CDH12: variants seen among roughly 807,000 people sequenced by gnomAD.
CDH12 encodes the protein cadherin 12, also known as cadherin-12.
CDH12 carries 41 observed loss-of-function variants against 74.1 expected under a neutral mutation model. The observed-to-expected ratio is 0.55, with a 90% CI of 0.43 to 0.72. The LOEUF (loss-of-function observed/expected upper bound fraction) is 0.72, where lower values mean the gene tolerates loss of function less well. Ranked by LOEUF, CDH12 falls within the 30% of genes least tolerant of loss-of-function variation. CDH12 has a pLI of 0.00. For missense variants in CDH12, 945 were observed against 977.2 expected, an observed-to-expected ratio of 0.97 and a Z score of 0.44; for synonymous variants, 399 against 355.0, an observed-to-expected ratio of 1.12 and a Z score of -1.39.
intron 1 of CDH12, among the ~76,000 whole-genome samples, chr5:22,801,331 G>A (rs1191782937): frequency 6.6e-6 from 1 of 152,004 alleles, no homozygotes; most frequent in East Asian, 1.9e-4. Context: ...AGCCAAAGGT[G>A]TTACTAGCAA....
At chr5:22,436,882 G>A (rs577714423) in intron 2 of CDH12, among the ~76,000 whole-genome samples, 23 of 152,140 alleles carry the variant, frequency 1.5e-4, no homozygotes, top group Admixed American at 7.9e-4. Flanking sequence ...AACAAAGAAC[G>A]TTGTTTCCTG....
rs766005547 is a variant in CDH12 at position 21,751,651 on chromosome 5, T to TGTGTGA, written c.*85_*86insTCACAC. On this transcript the variant is annotated 3_prime_UTR_variant, in exon 15 of 15. Coordinates refer to ENST00000382254, the MANE Select transcript of CDH12 (RefSeq NM_004061.5). ...GTGTGTTTGTGTGTGTGTGTGTGTG[T>TGTGTGA]GAGAGAGATTTCTATTAATATTTGT... 186 of 958,402 alleles carry TGTGTGA rather than the reference T, an allele frequency of 1.9e-4. 2 individuals are homozygous for TGTGTGA. Among genetic ancestry groups the TGTGTGA allele is most frequent in the South Asian group, 1.8e-3 (113 of 61,466 alleles). 59.4% of individuals were successfully genotyped at this position (958,402 alleles called of 1,614,324 possible).
intron 2 of CDH12, among the ~76,000 whole-genome samples, chr5:22,416,476 T>G (rs1423586854): frequency 6.6e-6 from 1 of 152,156 alleles, no homozygotes; most frequent in Non-Finnish European, 1.5e-5. Context: ...GGATGAGTTA[T>G]TGGCGTGCAT....
chr5:22,329,450 G>A lies in CDH12; in HGVS notation c.-333+75807C>T, dbSNP rs529482174. ...ACTAGAATATGGCAGGGTGGGTGGA[G>A]CAAGATGGAAGAATAGAAGCTTACA... is the stretch of plus-strand genomic sequence containing the variant. On this transcript the variant is annotated intron_variant, in intron 3 of 14. Transcript: ENST00000382254. Among the ~76,000 whole-genome samples, 4 of 152,292 alleles carry A rather than the reference G, an allele frequency of 2.6e-5. No homozygotes were observed. In the East Asian group the frequency reaches 7.7e-4, roughly 29 times the overall value.
chr5:21,852,545 T>C (rs1369169698), intron 7 of CDH12, among the ~76,000 whole-genome samples: 1 of 151,378 alleles, frequency 6.6e-6, no homozygotes, highest in Non-Finnish European at 1.5e-5. Flanking sequence ...TAACCCATCC[T>C]TTACGTTTAA....
chr5:22,133,881 T>G (rs1420206259), intron 4 of CDH12, among the ~76,000 whole-genome samples: 1 of 152,088 alleles, frequency 6.6e-6, no homozygotes, highest in African/African-American at 2.4e-5. Flanking sequence ...TTAATTTGAT[T>G]TTTTTCGGTT....
chr5:22,143,048 T>C, intron 4 of CDH12: 1 of 173,970 alleles, frequency 5.7e-6, no homozygotes, highest in Admixed American at 5.8e-5. Flanking sequence ...AGCGTTAAGA[T>C]AGATCAGTAA....
chr5:22,767,627 T>C (rs1442814808), intron 1 of CDH12, among the ~76,000 whole-genome samples: 1 of 151,998 alleles, frequency 6.6e-6, no homozygotes, highest in South Asian at 2.1e-4. Flanking sequence ...TATGGATTTT[T>C]AATGTAGCTA....
At chr5:21,821,439 G>A (rs187633918) in intron 8 of CDH12, among the ~76,000 whole-genome samples, 2 of 151,684 alleles carry the variant, frequency 1.3e-5, no homozygotes, top group African/African-American at 4.8e-5. Context: ...GACACCAATA[G>A]CAAGTTAAAA....
intron 8 of CDH12, among the ~76,000 whole-genome samples, chr5:21,833,890 T>C (rs567116902): frequency 8.5e-5 from 13 of 152,132 alleles, no homozygotes; most frequent in African/African-American, 3.1e-4. Context: ...GAATAGGGTC[T>C]ATGTTCTCAT....
intron 1 of CDH12, among the ~76,000 whole-genome samples, chr5:22,633,757 C>A (rs1353903654): frequency 1.3e-5 from 2 of 152,098 alleles, no homozygotes; most frequent in Non-Finnish European, 2.9e-5. Context: ...GGCTTTGAAC[C>A]AGCTTTCCTG....
chr5:22,487,049 T>TTG (rs1554044438), intron 2 of CDH12, among the ~76,000 whole-genome samples: 8 of 151,346 alleles, frequency 5.3e-5, no homozygotes, highest in African/African-American at 1.9e-4. Flanking sequence ...ACGGCTTTTT[T>TTG]TGTGTGTGTG....
intron 1 of CDH12, among the ~76,000 whole-genome samples, chr5:22,648,979 TG>T (rs1382689119): frequency 6.6e-6 from 1 of 151,794 alleles, no homozygotes; most frequent in Non-Finnish European, 1.5e-5. Flanking sequence ...TTCAAAGAAA[TG>T]CTAATTATGA....
At chr5:21,823,144 A>G (rs1748465612) in intron 8 of CDH12, among the ~76,000 whole-genome samples, 1 of 152,146 alleles carries the variant, frequency 6.6e-6, no homozygotes, top group Admixed American at 6.6e-5. Context: ...CTAGTGGGAG[A>G]GAAGTCAATT....
chr5:22,639,213 T>C (rs1482643103), intron 1 of CDH12, among the ~76,000 whole-genome samples: 1 of 151,888 alleles, frequency 6.6e-6, no homozygotes, highest in Non-Finnish European at 1.5e-5. Context: ...ATTAGAAGGC[T>C]GTGAAGTAGT....
At chr5:22,510,016 A>T (rs186955512) in intron 1 of CDH12, among the ~76,000 whole-genome samples, 103 of 147,776 alleles carry the variant, frequency 7.0e-4, no homozygotes, top group African/African-American at 1.7e-3. Context: ...GAAAAAATTT[A>T]AAAAAAAAAA....
intron 6 of CDH12, among the ~76,000 whole-genome samples, chr5:21,873,603 C>T (rs1324643162): frequency 6.6e-6 from 1 of 151,800 alleles, no homozygotes; most frequent in Non-Finnish European, 1.5e-5. Context: ...CATAAATCCT[C>T]TTTTATGTGC....
intron 1 of CDH12, among the ~76,000 whole-genome samples, chr5:22,780,966 CAAACACCCTAT>C (rs1315901586): frequency 6.6e-6 from 1 of 152,110 alleles, no homozygotes; most frequent in African/African-American, 2.4e-5. Flanking sequence ...GGAGGAAAAG[CAAACACCCTAT>C]AACCTTACCC....
At chr5:21,752,586 A>C (rs546982454) in intron 14 of CDH12, among the ~76,000 whole-genome samples, 10 of 152,370 alleles carry the variant, frequency 6.6e-5, no homozygotes, top group Admixed American at 4.6e-4. Context: ...GAATATTATC[A>C]TCCATAAATA....
Sources: allele counts gnomAD v4.1 joint callset (sites outside exome capture counted in the v4.1 genomes callset), GRCh38; gene constraint gnomAD v4.1.1; transcripts MANE v1.5; gene names NCBI Gene and HGNC (gene_info 2026-07-23, HGNC 2026-07-21).